GNAT3: variants seen among roughly 807,000 people sequenced by gnomAD.
The protein encoded by GNAT3 is G protein subunit alpha transducin 3, also known as guanine nucleotide-binding protein G(t) subunit alpha-3.
GNAT3 carries 31 observed loss-of-function variants against 37.7 expected under a neutral mutation model. The ratio of observed to expected loss-of-function variants is 0.82; its 90% CI spans 0.62 to 1.11. The LOEUF (loss-of-function observed/expected upper bound fraction) is 1.11, where lower values mean the gene tolerates loss of function less well. GNAT3 is among the 50% of genes most tolerant of loss of function. The pLI is 0.00. For synonymous variants in GNAT3, 138 were observed against 139.8 expected (o/e 0.99, Z 0.09); for missense variants, 437 against 412.5 (o/e 1.06, Z -0.51).
At chr7:80,499,942 CTAT>C (rs1790802738) in intron 1 of GNAT3, among the ~76,000 whole-genome samples, 3 of 152,070 alleles carry the variant, frequency 2.0e-5, no homozygotes, top group African/African-American at 4.8e-5. Flanking sequence ...TAAGTATTTT[CTAT>C]TATTTGAAGA....
At chr7:80,511,529 T>C (rs1483416252) in intron 1 of GNAT3, among the ~76,000 whole-genome samples, 3 of 152,124 alleles carry the variant, frequency 2.0e-5, no homozygotes, top group South Asian at 2.1e-4. Flanking sequence ...ATAATAAATG[T>C]ATCTGATTTT....
At chr7:80,485,521 CT>C (rs34134497) in intron 3 of GNAT3, among the ~76,000 whole-genome samples, 1 of 152,064 alleles carries the variant, frequency 6.6e-6, no homozygotes, top group East Asian at 1.9e-4. Flanking sequence ...GCTGCACAGC[CT>C]TTTTGAAATA....
At position 80,458,694 on chromosome 7, in the gene GNAT3, G is replaced by C; in HGVS notation, c.1042C>G (p.Leu348Val). The C allele has an allele frequency of 6.4e-7, 1 of 1,572,328 alleles. No individual in the cohort carries two copies. The highest frequency in any genetic ancestry group is 8.6e-7 in the Non-Finnish European group (1 of 1,160,924). Residue 348 changes from leucine to valine, a missense_variant, in exon 8 of 8, where the codon CTA becomes GTA. Physicochemically the swap from Leu to Val is conservative, Grantham distance 32. Coordinates refer to ENST00000398291, the MANE Select transcript of GNAT3 (RefSeq NM_001102386.3). ...GATTAGAAAAGCCCACAGTCTTTTA[G>C]ATTCTCTTTGATTATTATATCTGTA... ...AVTDIIIKEN[L>V]KDCGLF
In GNAT3 at chr7:80,462,507, C is replaced by G; in HGVS notation, c.715G>C (p.Glu239Gln). 1 of 1,613,076 alleles carries G rather than the reference C, an allele frequency of 6.2e-7. No individual in the cohort carries two copies. Among genetic ancestry groups the G allele is most frequent in the Non-Finnish European group, 8.5e-7 (1 of 1,179,606 alleles). ...TGTTTTTCCTTTAGACTTACCACTT[C>G]TTCGTCTTCCACGAGGACCATGTCA... is the stretch of plus-strand genomic sequence containing the variant. ...AYDMVLVEDEEVNRMHESLHL... is the reference protein window; with the variant it reads ...AYDMVLVEDEQVNRMHESLHL... Residue 239 changes from glutamate to glutamine, a missense_variant, in exon 6 of 8, where the codon GAA becomes CAA. By Grantham distance (29) the Glu-to-Gln change is conservative. Transcript: ENST00000398291.
At chr7:80,461,230 A>C (rs1455025235) in intron 7 of GNAT3, among the ~76,000 whole-genome samples, 1 of 152,066 alleles carries the variant, frequency 6.6e-6, no homozygotes, top group Non-Finnish European at 1.5e-5. Flanking sequence ...CTAAGTGGTA[A>C]AACTGGATTT....
intron 1 of GNAT3, among the ~76,000 whole-genome samples, chr7:80,500,476 C>G (rs2116220948): frequency 6.6e-6 from 1 of 152,116 alleles, no homozygotes; most frequent in Non-Finnish European, 1.5e-5. Context: ...GTTTGAAATG[C>G]CTGCTTTATC....
chr7:80,492,645 A>G (rs1320742207), intron 2 of GNAT3, among the ~76,000 whole-genome samples: 1 of 151,516 alleles, frequency 6.6e-6, no homozygotes, highest in Non-Finnish European at 1.5e-5. Context: ...TTATTGAATT[A>G]TTTTATTTTC....
At chr7:80,486,886 T>C (rs1029186708) in intron 3 of GNAT3, among the ~76,000 whole-genome samples, 6 of 152,044 alleles carry the variant, frequency 3.9e-5, no homozygotes, top group African/African-American at 1.4e-4. Context: ...ATTTCCAACT[T>C]CTCTGACACA....
At chr7:80,468,210 G>T (rs1790155725) in intron 5 of GNAT3, among the ~76,000 whole-genome samples, 1 of 151,920 alleles carries the variant, frequency 6.6e-6, no homozygotes, top group Non-Finnish European at 1.5e-5. Context: ...AGTCGGCAAA[G>T]CTTTGAGCTT....
chr7:80,483,069 G>T (rs974047655), intron 3 of GNAT3, among the ~76,000 whole-genome samples: 4 of 151,918 alleles, frequency 2.6e-5, no homozygotes, highest in Non-Finnish European at 4.4e-5. Context: ...TTCAATCCAG[G>T]CTGCACATTA....
At chr7:80,471,933 GTGTT>G (rs1390624767) in intron 5 of GNAT3, among the ~76,000 whole-genome samples, 16 of 151,968 alleles carry the variant, frequency 1.1e-4, no homozygotes, top group African/African-American at 3.9e-4. Context: ...TGTATGTAGA[GTGTT>G]TGGCATAGTG....
At chr7:80,481,563 T>G (rs957856571) in intron 3 of GNAT3, among the ~76,000 whole-genome samples, 1 of 152,158 alleles carries the variant, frequency 6.6e-6, no homozygotes, top group Non-Finnish European at 1.5e-5. Flanking sequence ...CCAAATATAT[T>G]TTTTTGGCAT....
chr7:80,499,450 T>C (rs1790793912), intron 1 of GNAT3, among the ~76,000 whole-genome samples: 1 of 152,032 alleles, frequency 6.6e-6, no homozygotes, highest in Non-Finnish European at 1.5e-5. Context: ...AGTAGCATGA[T>C]CATGACTCAC....
chr7:80,486,671 G>A (rs1365627335), intron 3 of GNAT3: 1 of 119,378 alleles, frequency 8.4e-6, no homozygotes, highest in Non-Finnish European at 1.7e-5. Context: ...TACAGTGTCT[G>A]GTTATATTGT....
rs374193653 is a variant in GNAT3 at position 80,474,206 on chromosome 7, T to G, written c.590+45A>C. The stretch of plus-strand genomic sequence containing the variant: ...TTTCTCCATGAGGAAATATTAAGCC[T>G]GATGCATACTTCTGTCTACAGTTAG... On this transcript the variant is annotated intron_variant, in intron 5 of 7. Coordinates refer to ENST00000398291, the MANE Select transcript of GNAT3 (RefSeq NM_001102386.3). 9 of 1,574,344 alleles carry G rather than the reference T, an allele frequency of 5.7e-6. No individual in the cohort carries two copies. In the East Asian group the frequency reaches 1.1e-4, roughly 20 times the overall value.
intron 1 of GNAT3, among the ~76,000 whole-genome samples, chr7:80,500,214 A>ATG (rs1790807692): frequency 6.9e-6 from 1 of 145,356 alleles, no homozygotes; most frequent in African/African-American, 2.8e-5. Flanking sequence ...AATAAAGACC[A>ATG]TGATTAGTTT....
At chr7:80,459,901 GCA>G (rs1490755110) in intron 7 of GNAT3, among the ~76,000 whole-genome samples, 2 of 152,150 alleles carry the variant, frequency 1.3e-5, no homozygotes, top group African/African-American at 4.8e-5. Flanking sequence ...GCAAAATAGT[GCA>G]GTCACTTTGA....
At chr7:80,499,531 A>T (rs1045579048) in intron 1 of GNAT3, among the ~76,000 whole-genome samples, 1 of 152,134 alleles carries the variant, frequency 6.6e-6, no homozygotes, top group African/African-American at 2.4e-5. Context: ...TACAAGCATG[A>T]GCCCCTACAC....
rs1183576353 is a variant in GNAT3, at chr7:80,487,700, A to C, written c.303+835T>G. ...TGTTTCTATAGCAAGGTTTCCAAGA[A>C]TTACGTTGGTAGGCATTCAACTGGC... On this transcript the variant is annotated intron_variant, in intron 3 of 7. Coordinates refer to ENST00000398291, the MANE Select transcript of GNAT3 (RefSeq NM_001102386.3). The C allele has an allele frequency of 2.0e-5, 3 of 152,074 alleles. No homozygotes were observed. In the East Asian group the frequency reaches 5.8e-4, roughly 29 times the overall value. 9.4% of individuals were successfully genotyped at this position (152,074 alleles called of 1,614,324 possible). A position where few individuals can be genotyped will look rare whatever the true frequency, so the allele number is the denominator to read the frequency against.
Sources: gnomAD v4.1 joint callset for allele counts (sites outside exome capture counted in the v4.1 genomes callset) on GRCh38, gnomAD v4.1.1 for gene constraint, MANE v1.5 for transcripts, NCBI Gene and HGNC (gene_info 2026-07-23, HGNC 2026-07-21) for gene names.